The following CYP4F22 variants were observed in gnomAD, a reference collection of about 807,000 sequenced individuals.
The protein encoded by CYP4F22 is ultra-long-chain fatty acid omega-hydroxylase.
Under a neutral mutation model 60.4 loss-of-function variants are expected in CYP4F22, and 37 were observed. That is an observed-to-expected ratio of 0.61 (90% confidence interval 0.47 to 0.81). The LOEUF (loss-of-function observed/expected upper bound fraction) is 0.81. Among genes scored for constraint, CYP4F22 ranks in the 30% least tolerant of loss-of-function variants. CYP4F22 has a pLI of 0.00. For synonymous variants in CYP4F22, 258 were observed against 280.5 expected, an observed-to-expected ratio of 0.92 and a Z score of 0.80; for missense variants, 655 against 715.0, an observed-to-expected ratio of 0.92 and a Z score of 0.96.
chr19:15,526,587 A>G (rs1329013595), intron 3 of CYP4F22, among the ~76,000 whole-genome samples: 3 of 152,180 alleles, frequency 2.0e-5, no homozygotes, highest in African/African-American at 4.8e-5. Context: ...ACTGAGGCAC[A>G]GAGAGGTTAA....
At chr19:15,540,340 C>A in intron 7 of CYP4F22, 110 bp from the exon 8 acceptor site, 1 of 1,296,904 alleles carries the variant, frequency 7.7e-7, no homozygotes, top group Non-Finnish European at 1.1e-6. Flanking sequence ...TAATATAGGG[C>A]TTCTCTTTGT....
chr19:15,549,603 G>A (rs964229474), intron 12 of CYP4F22, among the ~76,000 whole-genome samples: 4 of 152,142 alleles, frequency 2.6e-5, no homozygotes, highest in African/African-American at 9.7e-5. Flanking sequence ...TAAGGTGGGA[G>A]AATCGCTTGG....
chr19:15,518,055 A>T (rs1971175599), intron 1 of CYP4F22, among the ~76,000 whole-genome samples: 1 of 152,070 alleles, frequency 6.6e-6, no homozygotes, highest in Non-Finnish European at 1.5e-5. Flanking sequence ...GTCTAAATTT[A>T]GCTGGATGAG....
chr19:15,539,625 G>A (rs1971436041), intron 7 of CYP4F22, among the ~76,000 whole-genome samples: 1 of 152,106 alleles, frequency 6.6e-6, no homozygotes, highest in African/African-American at 2.4e-5. Context: ...TATTTCAGTG[G>A]GTTTCAACAT....
At chr19:15,546,740 TTTC>T (rs1487929778) in intron 10 of CYP4F22, among the ~76,000 whole-genome samples, 1 of 152,072 alleles carries the variant, frequency 6.6e-6, no homozygotes, top group Non-Finnish European at 1.5e-5. Flanking sequence ...TTCTTTCTTT[TTTC>T]TTTTTTTCTT....
At chr19:15,539,244 A>G (rs1023006817) in intron 7 of CYP4F22, among the ~76,000 whole-genome samples, 2 of 152,138 alleles carry the variant, frequency 1.3e-5, no homozygotes, top group African/African-American at 4.8e-5. Flanking sequence ...TCTATTTTCT[A>G]TCTCTATAGA....
chr19:15,524,640 CCTT>C (rs1001248950), intron 2 of CYP4F22, among the ~76,000 whole-genome samples: 1 of 149,082 alleles, frequency 6.7e-6, no homozygotes, highest in Non-Finnish European at 1.5e-5. Context: ...ACAGAGGAGA[CCTT>C]CTTTCAAAAA....
At chr19:15,517,446 G>A (rs1971169141) in intron 1 of CYP4F22, among the ~76,000 whole-genome samples, 1 of 152,164 alleles carries the variant, frequency 6.6e-6, no homozygotes, top group African/African-American at 2.4e-5. Context: ...ACGGGGAGGT[G>A]AAGCGGACAC....
intron 10 of CYP4F22, among the ~76,000 whole-genome samples, chr19:15,545,648 C>CAAAAAAAAAAA (rs1217096575): frequency 1.5e-4 from 6 of 38,946 alleles, no homozygotes; most frequent in African/African-American, 4.3e-4. Context: ...GACCCTGTCT[C>CAAAAAAAAAAA]AAAAAAAAAA....
chr19:15,509,900 C>CTTT (rs1555725970), intron 1 of CYP4F22, among the ~76,000 whole-genome samples: 1,525 of 87,592 alleles, frequency 0.017, 54 homozygotes, highest in East Asian at 0.04. Flanking sequence ...TTCCTTCCTT[C>CTTT]CTTCCTTTCT....
At chr19:15,546,806 T>G (rs1302400761) in intron 10 of CYP4F22, among the ~76,000 whole-genome samples, 1 of 151,846 alleles carries the variant, frequency 6.6e-6, no homozygotes, top group African/African-American at 2.4e-5. Flanking sequence ...TGGAGTACAG[T>G]GGCATGATCA....
At position 15,551,296 on chromosome 19, in the gene CYP4F22, A is replaced by G; in HGVS notation, c.1421A>G (p.Asn474Ser). 6.2e-7 allele frequency: 1 copy of G among 1,612,064 alleles called. No homozygotes were observed. Among genetic ancestry groups the G allele is most frequent in the Non-Finnish European group, 8.5e-7 (1 of 1,179,134 alleles). ...AYVPFSAGPR[N>S]CIGQSFAMAE... is the part of the protein sequence containing the mutation. ...AGCCCTGTCCCCTCTTCCTCCAGGAATTGCATCGGACAGAGCTTCGCCATG... is the reference window on the plus strand; with the variant it reads ...AGCCCTGTCCCCTCTTCCTCCAGGAGTTGCATCGGACAGAGCTTCGCCATG... The change falls in exon 14 of 14, where the codon AAT (asparagine) becomes AGT (serine). Residue 474 changes from asparagine (N) to serine (S), a missense_variant and splice_region_variant. Physicochemically the swap from Asn to Ser is conservative, Grantham distance 46. Transcript: ENST00000269703.
intron 1 of CYP4F22, among the ~76,000 whole-genome samples, chr19:15,513,380 T>TAG (rs1421632988): frequency 3.1e-4 from 43 of 138,262 alleles, no homozygotes; most frequent in African/African-American, 1.0e-3. Context: ...TTTTTTTTTT[T>TAG]TTGAGACAGA....
intron 1 of CYP4F22, among the ~76,000 whole-genome samples, chr19:15,511,847 C>T (rs190446471): frequency 1.7e-3 from 262 of 152,326 alleles, no homozygotes; most frequent in African/African-American, 5.5e-3. Context: ...AGTGGGTGAA[C>T]GGCTGGGCCA....
intron 10 of CYP4F22, 69 bp from the exon 11 acceptor site, chr19:15,548,039 G>GT: frequency 1.4e-6 from 2 of 1,387,826 alleles, no homozygotes; most frequent in Non-Finnish European, 2.0e-6. Context: ...GTGTGTGTGT[G>GT]TGTGTGTGTG....
At chr19:15,520,624 G>A (rs933844982) in intron 1 of CYP4F22, among the ~76,000 whole-genome samples, 2 of 151,976 alleles carry the variant, frequency 1.3e-5, no homozygotes, top group African/African-American at 4.8e-5. Context: ...ATCTCGCTCT[G>A]TCACCCAGGC....
At chr19:15,531,085 A>T (rs927010504) in intron 4 of CYP4F22, among the ~76,000 whole-genome samples, 10 of 152,132 alleles carry the variant, frequency 6.6e-5, no homozygotes, top group African/African-American at 2.4e-4. Flanking sequence ...CTCGAAAAAA[A>T]TAAATAATTA....
At position 15,533,591 on chromosome 19, in the gene CYP4F22, C is replaced by CTTTTTT. The variant is rs34585637; in HGVS notation, c.368-3753_368-3748dup. ...CGTTGTAGTAGGAATCAGTTTCATTCTTTTTTTTTTTTTTTTTTTTTTGAG... is the reference window on the plus strand; with the variant it reads ...CGTTGTAGTAGGAATCAGTTTCATTCTTTTTTTTTTTTTTTTTTTTTTTTTTTTGAG... On this transcript the variant is annotated intron_variant, in intron 4 of 13. Coordinates refer to ENST00000269703, the MANE Select transcript of CYP4F22 (RefSeq NM_173483.4). 7.2e-4 allele frequency among the ~76,000 whole-genome samples: 66 copies of CTTTTTT among 91,456 alleles called. 2 individuals are homozygous for CTTTTTT. Among genetic ancestry groups the CTTTTTT allele is most frequent in the African/African-American group, 1.4e-3 (31 of 22,238 alleles). 60.0% of individuals were successfully genotyped at this position (91,456 alleles called of 152,430 possible).
chr19:15,535,831 A>G (rs1031596342), intron 4 of CYP4F22, among the ~76,000 whole-genome samples: 2 of 152,238 alleles, frequency 1.3e-5, no homozygotes, highest in Non-Finnish European at 2.9e-5. Context: ...ATAAAAATTT[A>G]TCTAGCACAA....
Sources: allele counts gnomAD v4.1 joint callset (sites outside exome capture counted in the v4.1 genomes callset), GRCh38; gene constraint gnomAD v4.1.1; transcripts MANE v1.5; gene names NCBI Gene and HGNC (gene_info 2026-07-23, HGNC 2026-07-21).